Variants in CREB5 observed in about 807,000 individuals in gnomAD.
CREB5 encodes cAMP responsive element binding protein 5, also known as cyclic AMP-responsive element-binding protein 5.
Under a neutral mutation model 57.1 loss-of-function variants are expected in CREB5, and 19 were observed. That is an observed-to-expected ratio of 0.33 (90% CI 0.23 to 0.49). The LOEUF (loss-of-function observed/expected upper bound fraction) is 0.49, where lower values mean the gene tolerates loss of function less well. Ranked by LOEUF, CREB5 falls within the 20% of genes least tolerant of loss-of-function variation. CREB5 has a pLI of 0.99. For synonymous variants in CREB5, 238 were observed against 238.3 expected, an observed-to-expected ratio of 1.00 and a Z score of 0.01; for missense variants, 579 against 671.6, an observed-to-expected ratio of 0.86 and a Z score of 1.52.
chr7:28,713,316 T>C (rs1802505743), intron 5 of CREB5, among the ~76,000 whole-genome samples: 1 of 152,244 alleles, frequency 6.6e-6, no homozygotes, highest in Non-Finnish European at 1.5e-5. Flanking sequence ...CCACCTCACC[T>C]GACCAGAAGC....
At chr7:28,371,598 C>A (rs2127994069) in intron 1 of CREB5, among the ~76,000 whole-genome samples, 1 of 152,244 alleles carries the variant, frequency 6.6e-6, no homozygotes, top group South Asian at 2.1e-4. Flanking sequence ...GCAGCACCAC[C>A]ATGGCCCCAG....
chr7:28,680,329 T>A (rs1800527250), intron 5 of CREB5, among the ~76,000 whole-genome samples: 3 of 152,332 alleles, frequency 2.0e-5, no homozygotes, highest in Admixed American at 2.0e-4. Flanking sequence ...CTCCCAAGCA[T>A]AACTGCTCTG....
intron 1 of CREB5, among the ~76,000 whole-genome samples, chr7:28,332,474 C>T (rs1033952656): frequency 2.6e-5 from 4 of 152,122 alleles, no homozygotes; most frequent in Non-Finnish European, 5.9e-5. Context: ...GCTCAGGTTA[C>T]GTTTGCGTGG....
chr7:28,452,141 G>A (rs999762874), intron 1 of CREB5, among the ~76,000 whole-genome samples: 11 of 152,210 alleles, frequency 7.2e-5, no homozygotes, highest in Admixed American at 7.2e-4. Context: ...CAGAATCTCA[G>A]CACTTTGTAG....
intron 7 of CREB5, among the ~76,000 whole-genome samples, chr7:28,734,378 A>G (rs1803856911): frequency 6.6e-6 from 1 of 152,146 alleles, no homozygotes; most frequent in South Asian, 2.1e-4. Flanking sequence ...TGTTCATATA[A>G]GTAATACATC....
chr7:28,485,049 T>C (rs1278558176), intron 1 of CREB5, among the ~76,000 whole-genome samples: 1 of 152,214 alleles, frequency 6.6e-6, no homozygotes, highest in African/African-American at 2.4e-5. Flanking sequence ...AGTATTAGCA[T>C]TATGGGCCTG....
chr7:28,382,044 A>G (rs1447551658), intron 1 of CREB5, among the ~76,000 whole-genome samples: 2 of 152,246 alleles, frequency 1.3e-5, no homozygotes, highest in Non-Finnish European at 2.9e-5. Flanking sequence ...CCAATGGTGT[A>G]GCTCTCAGTT....
Position 28,819,106 on chromosome 7 carries a change from T to C in CREB5, c.1364-10T>C. The C allele has an allele frequency of 6.2e-7, 1 of 1,609,408 alleles. No homozygotes were observed. The highest frequency in any genetic ancestry group is 8.5e-7 in the Non-Finnish European group (1 of 1,178,094). ...GTATGTGTGTGTGTTGTCTTTTTTT[T>C]TCTCCCTAGGTCCAGAGAGTAGCCC... On this transcript the variant is annotated splice_polypyrimidine_tract_variant and intron_variant, in intron 10 of 10. Transcript: ENST00000357727.
At chr7:28,638,572 C>T (rs1456822065) in intron 5 of CREB5, among the ~76,000 whole-genome samples, 2 of 152,052 alleles carry the variant, frequency 1.3e-5, no homozygotes, top group Non-Finnish European at 2.9e-5. Context: ...ATCTTGAATT[C>T]CTGGGCTCAA....
chr7:28,358,617 G>A (rs969140436), intron 1 of CREB5, among the ~76,000 whole-genome samples: 2 of 152,196 alleles, frequency 1.3e-5, no homozygotes, highest in East Asian at 1.9e-4. Context: ...AGCTGTCGAA[G>A]TCTTTCTTTC....
At chr7:28,481,099 G>A (rs1476591484) in intron 1 of CREB5, among the ~76,000 whole-genome samples, 3 of 152,184 alleles carry the variant, frequency 2.0e-5, no homozygotes, top group African/African-American at 7.2e-5. Context: ...GTGAGAGGAC[G>A]TGAGCCCCCA....
chr7:28,600,708 C>A lies in CREB5; in HGVS notation c.464+30171C>A, dbSNP rs143389196. 9.4e-4 allele frequency among the ~76,000 whole-genome samples: 143 copies of A among 152,082 alleles called. 1 individual carries two copies. Among genetic ancestry groups the A allele is most frequent in the African/African-American group, 3.4e-3 (140 of 41,490 alleles). Reference sequence around the variant, plus strand: ...AAGTTAAAATGTGAAATAATTGTACCCCTAGCACTATCCACATTGTGTCAA... The same window carrying A: ...AAGTTAAAATGTGAAATAATTGTACACCTAGCACTATCCACATTGTGTCAA... On this transcript the variant is annotated intron_variant, in intron 5 of 10. Transcript: ENST00000357727.
intron 1 of CREB5, among the ~76,000 whole-genome samples, chr7:28,389,533 G>A (rs1787173863): frequency 6.6e-6 from 1 of 151,754 alleles, no homozygotes; most frequent in Admixed American, 6.6e-5. Context: ...CTCAGATGGT[G>A]TTCACCTTAC....
chr7:28,389,107 A>C (rs1410389233), intron 1 of CREB5, among the ~76,000 whole-genome samples: 1 of 152,222 alleles, frequency 6.6e-6, no homozygotes, highest in East Asian at 1.9e-4. Context: ...ACAGCGTCAG[A>C]GCTTTCTCAC....
intron 4 of CREB5, among the ~76,000 whole-genome samples, chr7:28,554,654 A>G (rs780473737): frequency 6.6e-6 from 1 of 152,256 alleles, no homozygotes; most frequent in Non-Finnish European, 1.5e-5. Flanking sequence ...CCATTTGGTT[A>G]CAGACACTGT....
At chr7:28,327,660 C>T (rs1183915824) in intron 1 of CREB5, among the ~76,000 whole-genome samples, 1 of 152,040 alleles carries the variant, frequency 6.6e-6, no homozygotes, top group Non-Finnish European at 1.5e-5. Context: ...TTCTTTTTTG[C>T]CTTTTTCTTT....
At chr7:28,384,334 A>G (rs750215481) in intron 1 of CREB5, among the ~76,000 whole-genome samples, 2 of 152,232 alleles carry the variant, frequency 1.3e-5, no homozygotes, top group Admixed American at 6.5e-5. Flanking sequence ...AGCTCACAGT[A>G]TGACAGCTTT....
intron 5 of CREB5, among the ~76,000 whole-genome samples, chr7:28,707,142 C>T (rs1025321298): frequency 2.0e-5 from 3 of 152,218 alleles, no homozygotes; most frequent in South Asian, 4.2e-4. Context: ...CCATACCCCT[C>T]GGAGAGGCTG....
rs192111281 is a variant in CREB5 at position 28,599,789 on chromosome 7, C to T, written c.464+29252C>T. ...TGTATTAGTTAGAACCGCATCCTCT[C>T]ATCATCACGTTGTCCTTTTACACAA... On this transcript the variant is annotated intron_variant, in intron 5 of 10. Coordinates refer to ENST00000357727, the MANE Select transcript of CREB5 (RefSeq NM_182898.4). Among the ~76,000 whole-genome samples the T allele has an allele frequency of 6.6e-4, 100 of 151,832 alleles. 1 individual carries two copies. The highest frequency in any genetic ancestry group is 2.3e-3 in the African/African-American group (97 of 41,356).
Sources: allele counts gnomAD v4.1 joint callset (sites outside exome capture counted in the v4.1 genomes callset), GRCh38; gene constraint gnomAD v4.1.1; transcripts MANE v1.5; gene names NCBI Gene and HGNC (gene_info 2026-07-23, HGNC 2026-07-21).